NOSTRIN: variants seen among roughly 807,000 people sequenced by gnomAD.
NOSTRIN encodes nitric oxide synthase trafficking.
Under a neutral mutation model 59.0 loss-of-function variants are expected in NOSTRIN, and 63 were observed. The observed-to-expected ratio is 1.07, with a 90% CI of 0.87 to 1.32. NOSTRIN has a LOEUF of 1.32. Among genes scored for constraint, NOSTRIN ranks in the 40% most tolerant of loss-of-function variants. The pLI is 0.00. For missense variants in NOSTRIN, 512 were observed against 473.1 expected (o/e 1.08, Z -0.76); for synonymous variants, 200 against 165.4 (o/e 1.21, Z -1.61).
At chr2:168,844,474 G>A (rs553822022) in intron 8 of NOSTRIN, among the ~76,000 whole-genome samples, 39 of 152,290 alleles carry the variant, frequency 2.6e-4, no homozygotes, top group African/African-American at 9.4e-4. Context: ...TTGGTGCTCA[G>A]TGCTCCTCTT....
At chr2:168,807,543 G>A (rs1685920690) in intron 1 of NOSTRIN, among the ~76,000 whole-genome samples, 1 of 152,200 alleles carries the variant, frequency 6.6e-6, no homozygotes, top group Non-Finnish European at 1.5e-5. Context: ...CAAGGGTAAA[G>A]ATTCTCTCCA....
chr2:168,797,072 C>CTTTTTTTTTT (rs1168296049), upstream of NOSTRIN, among the ~76,000 whole-genome samples: 1 of 85,356 alleles, frequency 1.2e-5, no homozygotes, highest in African/African-American at 4.0e-5. Flanking sequence ...CTTTCTTTTT[C>CTTTTTTTTTT]TTTTTTCTTT....
intron 15 of NOSTRIN, chr2:168,863,720 T>C (rs1327049166): frequency 2.9e-5 from 26 of 908,314 alleles, no homozygotes; most frequent in Admixed American, 6.2e-5. Flanking sequence ...TGCAGAGACA[T>C]TGTCTTGATC....
chr2:168,854,495 C>T (rs922828005), intron 10 of NOSTRIN, among the ~76,000 whole-genome samples: 2 of 152,190 alleles, frequency 1.3e-5, no homozygotes, highest in Non-Finnish European at 2.9e-5. Context: ...TGAAATAATG[C>T]ATGTGAAAGC....
At chr2:168,843,510 A>C (rs183105262) in intron 8 of NOSTRIN, among the ~76,000 whole-genome samples, 14 of 152,362 alleles carry the variant, frequency 9.2e-5, no homozygotes, top group African/African-American at 2.4e-4. Context: ...CACTGGAGAT[A>C]CAGAGCATTG....
In NOSTRIN at chr2:168,859,737, T is replaced by C. The variant is rs982299171; in HGVS notation, c.1179+100T>C. 9 of 1,416,846 alleles carry C rather than the reference T, an allele frequency of 6.4e-6. No homozygotes were observed. In the African/African-American group the frequency reaches 1.3e-4, roughly 20 times the overall value. The allele number at this position is 1,416,846 out of a possible 1,614,324, so 87.8% of individuals were successfully genotyped here. On this transcript the variant is annotated intron_variant, in intron 13 of 15. Transcript: ENST00000317647. Reference sequence around the variant, plus strand: ...CAAAAAAGGTGTTAGGAATTCTATGTGATATTAATATTCATGCAGTTAGTT... The same window carrying C: ...CAAAAAAGGTGTTAGGAATTCTATGCGATATTAATATTCATGCAGTTAGTT...
intron 7 of NOSTRIN, among the ~76,000 whole-genome samples, chr2:168,835,231 T>G (rs1687651712): frequency 6.6e-6 from 1 of 151,532 alleles, no homozygotes; most frequent in Admixed American, 6.6e-5. Flanking sequence ...TGCACCACCA[T>G]GCTCGGCTAA....
intron 8 of NOSTRIN, 48 bp from the exon 9 acceptor site, chr2:168,851,036 T>A: frequency 9.2e-7 from 1 of 1,089,376 alleles, no homozygotes; most frequent in East Asian, 2.3e-5. Context: ...GTGACTTCCA[T>A]TTTGCATAAC....
rs1278126022 is a variant in NOSTRIN, at chr2:168,839,879, C to T, written c.505-3113C>T. 1.6e-3 allele frequency among the ~76,000 whole-genome samples: 32 copies of T among 19,512 alleles called. No homozygotes were observed. The South Asian group carries it at 0.029, about 18-fold the overall frequency. The allele number at this position is 19,512 out of a possible 152,430, so 12.8% of individuals were successfully genotyped here. On this transcript the variant is annotated intron_variant, in intron 7 of 15. Transcript: ENST00000317647. ...CCAGCCTGGCCGACCAGAGAGACTC[C>T]GTCTCAAAAAAAAAAAAAAAAATAT...
chr2:168,802,283 C>A, upstream of NOSTRIN: 1 of 232,210 alleles, frequency 4.3e-6, no homozygotes, highest in Non-Finnish European at 8.7e-6. Context: ...ATACTGCAGG[C>A]TGAGAGGATA....
intron 2 of NOSTRIN, 77 bp downstream of exon 2, chr2:168,811,729 A>C: frequency 1.6e-6 from 1 of 622,242 alleles, no homozygotes; most frequent in Non-Finnish European, 2.8e-6. Flanking sequence ...GAGTGATTAC[A>C]AGCTGTCCTA....
At chr2:168,857,910 T>C (rs1689220840) in intron 12 of NOSTRIN, among the ~76,000 whole-genome samples, 1 of 152,216 alleles carries the variant, frequency 6.6e-6, no homozygotes, top group Admixed American at 6.5e-5. Context: ...AGATAGGCTT[T>C]CTTGAGTAAG....
intron 7 of NOSTRIN, among the ~76,000 whole-genome samples, chr2:168,836,825 TC>T (rs1687747924): frequency 6.6e-6 from 1 of 152,206 alleles, no homozygotes; most frequent in Admixed American, 6.5e-5. Context: ...CTCTTGATTA[TC>T]CCATATTTCC....
intron 7 of NOSTRIN, among the ~76,000 whole-genome samples, 190 bp downstream of exon 7, chr2:168,834,515 A>ACACGCGCACG (rs767460271): frequency 6.9e-6 from 1 of 144,824 alleles, no homozygotes; most frequent in East Asian, 2.5e-4. Context: ...GCGCACACAC[A>ACACGCGCACG]CACACACACA....
chr2:168,864,834 G>T lies in NOSTRIN; in HGVS notation c.1385G>T (p.Gly462Val), dbSNP rs371895459. 6.2e-7 allele frequency: 1 copy of T among 1,613,708 alleles called. No homozygotes were observed. The highest frequency in any genetic ancestry group is 8.5e-7 in the Non-Finnish European group (1 of 1,179,768). ...RQDDELNLEK[G>V]DIVIIHEKKE... is the part of the protein sequence containing the mutation. ...CATTTGTCTAACTGTATTTTCACAG[G>T]TGACATTGTGATTATACACGAGAAA... The change falls in exon 16 of 16, where the codon GGT becomes GTT. Residue 462 changes from glycine (G) to valine (V), a missense_variant and splice_region_variant. Gly to Val is a moderately radical substitution (Grantham distance 109). Transcript: ENST00000317647.
At chr2:168,812,044 C>G (rs909311858) in intron 2 of NOSTRIN, 1 of 154,782 alleles carries the variant, frequency 6.5e-6, no homozygotes, top group Non-Finnish European at 1.4e-5. Context: ...GTATGCTGAC[C>G]TCTTAGAGCC....
intron 8 of NOSTRIN, 46 bp downstream of exon 8, chr2:168,843,163 G>A (rs1289650993): frequency 1.2e-6 from 1 of 842,484 alleles, no homozygotes; most frequent in African/African-American, 1.7e-5. Context: ...GGAGCTTTGT[G>A]TGACCTTGAA....
At position 168,864,853 on chromosome 2, in the gene NOSTRIN, C is replaced by G; in HGVS notation, c.1404C>G (p.His468Gln). The part of the protein sequence containing the change: ...NLEKGDIVII[H>Q]EKKEGGWWFG... ...TCACAGGTGACATTGTGATTATACACGAGAAAAAAGAAGGAGGATGGTGGT... is the reference window on the plus strand; with the variant it reads ...TCACAGGTGACATTGTGATTATACAGGAGAAAAAAGAAGGAGGATGGTGGT... Residue 468 changes from histidine (H) to glutamine (Q), a missense_variant, in exon 16 of 16, where the codon CAC becomes CAG. Physicochemically the swap from His to Gln is conservative, Grantham distance 24. Coordinates refer to ENST00000317647, the MANE Select transcript of NOSTRIN (RefSeq NM_001039724.4). 1.2e-6 allele frequency: 2 copies of G among 1,613,606 alleles called. No individual in the cohort carries two copies. Among genetic ancestry groups the G allele is most frequent in the Non-Finnish European group, 1.7e-6 (2 of 1,179,810 alleles).
At chr2:168,819,687 A>G (rs1686617334) in intron 2 of NOSTRIN, among the ~76,000 whole-genome samples, 1 of 152,232 alleles carries the variant, frequency 6.6e-6, no homozygotes, top group South Asian at 2.1e-4. Flanking sequence ...ATTAGGATTT[A>G]AAATGCAAGA....
Sources: allele counts gnomAD v4.1 joint callset (sites outside exome capture counted in the v4.1 genomes callset), GRCh38; gene constraint gnomAD v4.1.1; transcripts MANE v1.5; gene names NCBI Gene and HGNC (gene_info 2026-07-23, HGNC 2026-07-21).